The following NHERF1 variants were observed in gnomAD, a reference collection of about 807,000 sequenced individuals.
The protein encoded by NHERF1 is Na(+)/H(+) exchange regulatory cofactor NHE-RF1.
chr17:74,768,547 T>A, the NHERF1 span: 1 of 1,613,920 alleles, frequency 6.2e-7, no homozygotes, highest in Non-Finnish European at 8.5e-7. Flanking sequence ...ATCCTAGACT[T>A]CAACATCTCC....
At chr17:74,752,703 AG>A in the NHERF1 span, among the ~76,000 whole-genome samples, 1 of 152,222 alleles carries the variant, frequency 6.6e-6, no homozygotes, top group African/African-American at 2.4e-5. Flanking sequence ...CGTGTTGCCC[AG>A]GCTGGTCTTG....
chr17:74,763,632 A>G, the NHERF1 span: 27 of 1,091,856 alleles, frequency 2.5e-5, no homozygotes, highest in Non-Finnish European at 3.6e-5. Context: ...GCTTCCCGGC[A>G]TGGGTGCTCC....
chr17:74,759,695 G>A, the NHERF1 span, among the ~76,000 whole-genome samples: 2 of 152,252 alleles, frequency 1.3e-5, no homozygotes, highest in Non-Finnish European at 2.9e-5. Context: ...CGATGCCCTG[G>A]AGAGAGCCCC....
chr17:74,759,140 G>A, the NHERF1 span, among the ~76,000 whole-genome samples: 4 of 152,196 alleles, frequency 2.6e-5, no homozygotes, highest in Non-Finnish European at 5.9e-5. Flanking sequence ...CATCGGAGCT[G>A]TCTAAATGCT....
chr17:74,765,659 C>T, the NHERF1 span, among the ~76,000 whole-genome samples: 3 of 151,390 alleles, frequency 2.0e-5, no homozygotes, highest in South Asian at 4.2e-4. Context: ...TCAAGCAATT[C>T]TCCTGCCTCA....
the NHERF1 span, chr17:74,761,888 G>A: frequency 1.1e-6 from 1 of 951,680 alleles, no homozygotes; most frequent in Non-Finnish European, 1.6e-6. The surrounding 1 kb of genome is among the most constrained non-coding windows in gnomAD (Gnocchi z 4.3). Flanking sequence ...GCTGTGTAGG[G>A]ATCTAGGCAA....
the NHERF1 span, chr17:74,749,373 G>C: frequency 2.2e-5 from 28 of 1,287,062 alleles, 1 homozygote; most frequent in South Asian, 2.6e-4. This position sits in a 1 kb window ranked among gnomAD's most constrained non-coding sequence, Gnocchi z 5.6. Flanking sequence ...CCAGCCCCGC[G>C]CCCGCCGTCG....
the NHERF1 span, among the ~76,000 whole-genome samples, chr17:74,765,569 T>G: frequency 6.6e-6 from 1 of 151,612 alleles, no homozygotes; most frequent in East Asian, 1.9e-4. Context: ...TTTTTTTTTT[T>G]TTTCCGGACA....
chr17:74,765,396 A>T, the NHERF1 span, among the ~76,000 whole-genome samples: 6 of 151,198 alleles, frequency 4.0e-5, no homozygotes, highest in Non-Finnish European at 7.4e-5. Flanking sequence ...AGTAGCCGGG[A>T]CTACAGCCAT....
chr17:74,768,162 G>T, the NHERF1 span: 1 of 1,611,932 alleles, frequency 6.2e-7, no homozygotes, highest in East Asian at 2.2e-5. Flanking sequence ...CAGTCGTGAA[G>T]CCCTGGCAGA....
chr17:74,748,855 G>C, the NHERF1 span: 1 of 1,592,992 alleles, frequency 6.3e-7, no homozygotes. This position sits in a 1 kb window ranked among gnomAD's most constrained non-coding sequence, Gnocchi z 4.3. Context: ...AGATGAGCGC[G>C]GACGCAGCGG....
chr17:74,748,643 C>T, the NHERF1 span: 2 of 508,226 alleles, frequency 3.9e-6, no homozygotes, highest in Non-Finnish European at 3.5e-6. This position sits in a 1 kb window ranked among gnomAD's most constrained non-coding sequence, Gnocchi z 4.3. Flanking sequence ...CCGCGCGGGG[C>T]GGGGATTGGT....
the NHERF1 span, among the ~76,000 whole-genome samples, chr17:74,756,406 G>A: frequency 6.6e-6 from 1 of 151,080 alleles, no homozygotes. Flanking sequence ...AGCCTCTGGA[G>A]TAGCTGGGAC....
the NHERF1 span, chr17:74,749,099 G>A: frequency 6.3e-7 from 1 of 1,584,410 alleles, no homozygotes; most frequent in Non-Finnish European, 8.6e-7. The surrounding 1 kb of genome is among the most constrained non-coding windows in gnomAD (Gnocchi z 5.6). Flanking sequence ...CGCACTCAAC[G>A]CCGTGCGCCT....
At chr17:74,754,049 A>G in the NHERF1 span, among the ~76,000 whole-genome samples, 1 of 152,164 alleles carries the variant, frequency 6.6e-6, no homozygotes, top group Admixed American at 6.5e-5. Flanking sequence ...CTGTAATCCC[A>G]GCTACTCGGG....
the NHERF1 span, among the ~76,000 whole-genome samples, chr17:74,757,757 G>C: frequency 6.6e-6 from 1 of 152,164 alleles, no homozygotes; most frequent in African/African-American, 2.4e-5. Flanking sequence ...CCCAGCCCCT[G>C]AGAACAGCCA....
the NHERF1 span, chr17:74,749,173 G>T: frequency 1.3e-6 from 2 of 1,534,136 alleles, no homozygotes; most frequent in Non-Finnish European, 1.7e-6. This position sits in a 1 kb window ranked among gnomAD's most constrained non-coding sequence, Gnocchi z 5.6. Flanking sequence ...TCCGAGAGGA[G>T]CTGCTGCGCG....
chr17:74,749,729 C>T, the NHERF1 span, among the ~76,000 whole-genome samples: 1 of 152,230 alleles, frequency 6.6e-6, no homozygotes, highest in Admixed American at 6.5e-5. The surrounding 1 kb of genome is among the most constrained non-coding windows in gnomAD (Gnocchi z 5.6). Flanking sequence ...CTTCGCCCGC[C>T]ACTCCTACTT....
the NHERF1 span, among the ~76,000 whole-genome samples, chr17:74,765,748 C>T: frequency 1.3e-5 from 2 of 151,980 alleles, no homozygotes; most frequent in Non-Finnish European, 2.9e-5. Flanking sequence ...GATAGGGTTT[C>T]GCCATGTTGG....
Sources: gnomAD v4.1 joint callset for allele counts (sites outside exome capture counted in the v4.1 genomes callset) on GRCh38, gnomAD v4.1.1 for gene constraint, Gnocchi (gnomAD v3.1) non-coding constraint, MANE v1.5 for transcripts, NCBI Gene and HGNC (gene_info 2026-07-23, HGNC 2026-07-21) for gene names.